The following RMDN2 variants were observed in gnomAD, a reference collection of about 807,000 sequenced individuals.
RMDN2 encodes regulator of microtubule dynamics protein 2.
Under a neutral mutation model 52.8 loss-of-function variants are expected in RMDN2, and 61 were observed. The observed-to-expected ratio is 1.16, with a 90% CI of 0.94 to 1.43. The LOEUF is 1.43. Among genes scored for constraint, RMDN2 ranks in the 40% most tolerant of loss-of-function variants. The pLI is 0.00. For missense variants in RMDN2, 592 were observed against 475.3 expected, an observed-to-expected ratio of 1.25 and a Z score of -2.28; for synonymous variants, 180 against 153.1, an observed-to-expected ratio of 1.18 and a Z score of -1.30.
At chr2:37,980,845 T>C (rs1173964959) in intron 4 of RMDN2, among the ~76,000 whole-genome samples, 2 of 152,024 alleles carry the variant, frequency 1.3e-5, no homozygotes, top group Non-Finnish European at 2.9e-5. Context: ...TGCAGCATAC[T>C]GAACGGTGAG....
chr2:38,018,564 T>C (rs1262085754), downstream of RMDN2, among the ~76,000 whole-genome samples: 2 of 152,170 alleles, frequency 1.3e-5, no homozygotes, highest in Non-Finnish European at 2.9e-5. Flanking sequence ...ACAAAAATGT[T>C]ATAGGCAACG....
At chr2:37,980,309 T>G (rs945896522) in intron 4 of RMDN2, among the ~76,000 whole-genome samples, 87 of 151,508 alleles carry the variant, frequency 5.7e-4, no homozygotes, top group African/African-American at 1.9e-3. Flanking sequence ...TTATTTTTGG[T>G]TTTTTTTTAT....
rs536629780 is a variant in RMDN2, at chr2:38,059,712, G to A, written c.1714-7270G>A. Among the ~76,000 whole-genome samples, 12 of 152,238 alleles carry A rather than the reference G, an allele frequency of 7.9e-5. No homozygotes were observed. In the South Asian group the frequency reaches 2.5e-3, roughly 32 times the overall value. The stretch of plus-strand genomic sequence containing the variant: ...GATGAACTCAAGCTAGACTGATGTA[G>A]GGACGTGGGCAAAGAAAATGAGAAA... On this transcript the variant is annotated intron_variant, in intron 10 of 10. Coordinates refer to the RMDN2 transcript ENST00000234195.
chr2:37,964,349 C>G (rs534478008), intron 2 of RMDN2, among the ~76,000 whole-genome samples: 6 of 152,342 alleles, frequency 3.9e-5, no homozygotes, highest in Non-Finnish European at 7.3e-5. Context: ...ACCTCTTTTG[C>G]TACATCCCAT....
intron 2 of RMDN2, chr2:37,951,746 C>G: frequency 6.2e-7 from 1 of 1,612,866 alleles, no homozygotes; most frequent in Non-Finnish European, 8.5e-7. Flanking sequence ...ATATAACCAT[C>G]TCTGCTCCTG....
intron 7 of RMDN2, among the ~76,000 whole-genome samples, chr2:37,991,942 G>C (rs1238646909): frequency 6.6e-6 from 1 of 152,174 alleles, no homozygotes; most frequent in Non-Finnish European, 1.5e-5. Flanking sequence ...AAATTATCGT[G>C]AAAGGACAAT....
At chr2:38,016,538 T>C (rs144524892) in intron 10 of RMDN2, among the ~76,000 whole-genome samples, 8 of 152,324 alleles carry the variant, frequency 5.3e-5, no homozygotes, top group Non-Finnish European at 7.3e-5. Flanking sequence ...ATGATCTGTG[T>C]GGGAAAGCCT....
chr2:37,998,683 A>G (rs1400902224), intron 8 of RMDN2, among the ~76,000 whole-genome samples: 6 of 152,188 alleles, frequency 3.9e-5, no homozygotes, highest in Non-Finnish European at 1.5e-5. Context: ...GCCTCAAGTG[A>G]AAAAATAAGT....
intron 5 of RMDN2, 35 bp downstream of exon 5, chr2:37,981,378 C>G: frequency 7.6e-7 from 1 of 1,313,936 alleles, no homozygotes; most frequent in Non-Finnish European, 1.1e-6. Context: ...CTTTTAAATT[C>G]TAACCTGCCT....
chr2:37,929,726 G>A lies in RMDN2; in HGVS notation c.449G>A (p.Gly150Glu). The A allele has an allele frequency of 6.7e-7, 1 of 1,499,638 alleles. No homozygotes were observed. Among genetic ancestry groups the A allele is most frequent in the Non-Finnish European group, 8.9e-7 (1 of 1,127,786 alleles). 92.9% of individuals were successfully genotyped at this position (1,499,638 alleles called of 1,614,324 possible). A position where few individuals can be genotyped will look rare whatever the true frequency, so the allele number is the denominator to read the frequency against. ...AGTTCAGAGGAAGCAGAAAGTGAAG[G>A]AGGGTAAGTTTCTTTAAGATATTTC... ...SNSSEEAESE[G>E]GYITANTDTE... The change falls in exon 2 of 11, where the codon GGA (glycine) becomes GAA (glutamate). Residue 150 changes from glycine to glutamate, a missense_variant. By Grantham distance (98) the Gly-to-Glu change is moderately conservative (BLOSUM62 -2). Coordinates refer to ENST00000354545, the MANE Select transcript of RMDN2 (RefSeq NM_001170791.3).
chr2:38,000,621 G>A (rs1676186482), intron 8 of RMDN2, among the ~76,000 whole-genome samples: 1 of 152,064 alleles, frequency 6.6e-6, no homozygotes, highest in African/African-American at 2.4e-5. Flanking sequence ...GTGTATATCT[G>A]GCTTTTACTC....
At chr2:37,943,759 T>C (rs1667990346) in intron 2 of RMDN2, among the ~76,000 whole-genome samples, 2 of 152,186 alleles carry the variant, frequency 1.3e-5, no homozygotes, top group South Asian at 4.1e-4. Flanking sequence ...TCCTCCCCTA[T>C]CCTTCTAAAT....
chr2:38,016,066 G>C (rs1412601053), intron 10 of RMDN2, among the ~76,000 whole-genome samples: 1 of 152,192 alleles, frequency 6.6e-6, no homozygotes, highest in Non-Finnish European at 1.5e-5. Flanking sequence ...TAATCATATA[G>C]CTATGCAGCT....
At chr2:37,969,373 C>G (rs2125053444) in intron 2 of RMDN2, among the ~76,000 whole-genome samples, 1 of 151,714 alleles carries the variant, frequency 6.6e-6, no homozygotes, top group African/African-American at 2.4e-5. Context: ...CTTAGGTATT[C>G]TTTAATGTTT....
intron 2 of RMDN2, among the ~76,000 whole-genome samples, chr2:37,930,428 C>A (rs952891205): frequency 3.3e-5 from 5 of 152,024 alleles, no homozygotes; most frequent in African/African-American, 1.2e-4. Flanking sequence ...TTTTTTTGTC[C>A]TTTTCCATCC....
intron 10 of RMDN2, among the ~76,000 whole-genome samples, chr2:38,008,956 A>G (rs530600909): frequency 3.9e-5 from 6 of 152,232 alleles, no homozygotes; most frequent in Admixed American, 3.9e-4. Context: ...TTTCTCCTTC[A>G]CTTATGAAGC....
chr2:37,923,483 G>C (rs1441924884), upstream of RMDN2: 1 of 152,138 alleles, frequency 6.6e-6, no homozygotes, highest in Non-Finnish European at 1.5e-5. Flanking sequence ...CTTAAATTTT[G>C]TTTTAAATAC....
chr2:38,036,519 C>G (rs571414149), intron 10 of RMDN2: 2 of 152,252 alleles, frequency 1.3e-5, no homozygotes, highest in African/African-American at 4.8e-5. Flanking sequence ...AAGCTGGGAG[C>G]CATGGAATTA....
intron 2 of RMDN2, among the ~76,000 whole-genome samples, chr2:37,951,038 A>G (rs918147590): frequency 2.0e-5 from 3 of 152,002 alleles, no homozygotes; most frequent in African/African-American, 7.3e-5. Context: ...AGACTCCCGC[A>G]TTCTTTTGGG....
Sources: allele counts gnomAD v4.1 joint callset (sites outside exome capture counted in the v4.1 genomes callset), GRCh38; gene constraint gnomAD v4.1.1; transcripts MANE v1.5; gene names NCBI Gene and HGNC (gene_info 2026-07-23, HGNC 2026-07-21).